Variants in GNA14 observed in about 807,000 individuals in gnomAD.
The protein encoded by GNA14 is guanine nucleotide-binding protein subunit alpha-14.
In GNA14, 50 loss-of-function variants were observed where a neutral mutation model predicts 42.0. That is an observed-to-expected ratio of 1.19 (90% CI 0.95 to 1.51). The LOEUF is 1.51. Ranked by LOEUF, GNA14 falls within the 40% of genes most tolerant of loss-of-function variation. The pLI is 0.00. For synonymous variants in GNA14, 173 were observed against 163.1 expected (o/e 1.06, Z -0.46); for missense variants, 473 against 446.2 (o/e 1.06, Z -0.54).
At chr9:77,584,514 AC>A (rs1260847039) in intron 1 of GNA14, among the ~76,000 whole-genome samples, 1 of 75,214 alleles carries the variant, frequency 1.3e-5, no homozygotes, top group Admixed American at 1.5e-4. Flanking sequence ...CTTACCCCCC[AC>A]CCCCCACCAC....
chr9:77,643,231 G>A lies in GNA14; in HGVS notation c.124+4439C>T, dbSNP rs537458784. Among the ~76,000 whole-genome samples, 13 of 151,066 alleles carry A rather than the reference G, an allele frequency of 8.6e-5. 1 individual carries two copies. Among genetic ancestry groups the A allele is most frequent in the African/African-American group, 3.2e-4 (13 of 41,146 alleles). On this transcript the variant is annotated intron_variant, in intron 1 of 6. Transcript: ENST00000341700. ...TTCCTTTTCTTCTTCAGAGTGGGAA[G>A]GTGTTGTCATTTTTTTTTTTTTTTT...
At position 77,466,140 on chromosome 9, in the gene GNA14, T is replaced by A. The variant is rs917591709; in HGVS notation, c.310-31618A>T. On this transcript the variant is annotated intron_variant, in intron 2 of 6. Coordinates refer to ENST00000341700, the MANE Select transcript of GNA14 (RefSeq NM_004297.4). ...CTTAGATTTCATGGAGGTCCTTGGA[T>A]GCTTCGATTAGTGTTTTTCATCAAA... Among the ~76,000 whole-genome samples the A allele has an allele frequency of 5.3e-5, 8 of 152,342 alleles. No homozygotes were observed. The South Asian group carries it at 6.2e-4, about 12-fold the overall frequency.
At chr9:77,467,932 G>T (rs1836265087) in intron 2 of GNA14, among the ~76,000 whole-genome samples, 1 of 152,136 alleles carries the variant, frequency 6.6e-6, no homozygotes, top group South Asian at 2.1e-4. Context: ...CCCCAGATTT[G>T]TCTTGACCTA....
At chr9:77,548,025 G>T (rs1837741320) in intron 1 of GNA14, among the ~76,000 whole-genome samples, 1 of 152,170 alleles carries the variant, frequency 6.6e-6, no homozygotes, top group Non-Finnish European at 1.5e-5. Flanking sequence ...TTGAGACATT[G>T]GTGAACTTAG....
chr9:77,551,544 G>A (rs1837787120), intron 1 of GNA14, among the ~76,000 whole-genome samples: 2 of 151,030 alleles, frequency 1.3e-5, no homozygotes. Flanking sequence ...AAATCACTAG[G>A]TCATCAAGTT....
chr9:77,543,574 C>CAA (rs1375106034), intron 1 of GNA14, among the ~76,000 whole-genome samples: 1 of 152,210 alleles, frequency 6.6e-6, no homozygotes, highest in Non-Finnish European at 1.5e-5. Context: ...ATGAGAGTCT[C>CAA]AAGGCCTGCA....
At chr9:77,477,907 T>C (rs528483713) in intron 2 of GNA14, among the ~76,000 whole-genome samples, 2 of 151,522 alleles carry the variant, frequency 1.3e-5, no homozygotes, top group African/African-American at 2.4e-5. Flanking sequence ...AAGAGAAAAA[T>C]GCAGAAATTG....
chr9:77,623,402 T>A (rs532749218), intron 1 of GNA14, among the ~76,000 whole-genome samples: 1 of 151,972 alleles, frequency 6.6e-6, no homozygotes, highest in Non-Finnish European at 1.5e-5. Context: ...TGGGTTGAAT[T>A]TTTGTAAGCC....
At chr9:77,643,317 G>A (rs975511418) in intron 1 of GNA14, among the ~76,000 whole-genome samples, 2 of 148,908 alleles carry the variant, frequency 1.3e-5, no homozygotes, top group Non-Finnish European at 3.0e-5. Flanking sequence ...TCAGCTCACT[G>A]CAACCTCCAC....
intron 3 of GNA14, among the ~76,000 whole-genome samples, chr9:77,433,394 T>TC (rs1835589318): frequency 6.6e-6 from 1 of 151,816 alleles, no homozygotes. Context: ...ATTTACATTT[T>TC]CTTTTTTTTT....
intron 2 of GNA14, among the ~76,000 whole-genome samples, chr9:77,514,544 T>C (rs1334150882): frequency 6.6e-6 from 1 of 151,542 alleles, no homozygotes; most frequent in East Asian, 1.9e-4. Context: ...CTGGAAAGAG[T>C]ATCTAACCCA....
chr9:77,518,686 G>A (rs1250953394), intron 2 of GNA14, among the ~76,000 whole-genome samples: 2 of 152,170 alleles, frequency 1.3e-5, no homozygotes, highest in Non-Finnish European at 2.9e-5. Flanking sequence ...AACACTAGTG[G>A]TGTTTTCTTA....
At chr9:77,469,368 A>G (rs1009936084) in intron 2 of GNA14, among the ~76,000 whole-genome samples, 43 of 69,382 alleles carry the variant, frequency 6.2e-4, no homozygotes, top group African/African-American at 5.4e-3. Context: ...ACTGTGTTAA[A>G]AAAAAAAAAA....
intron 1 of GNA14, among the ~76,000 whole-genome samples, chr9:77,557,393 T>A (rs1822801381): frequency 1.3e-5 from 2 of 152,166 alleles, no homozygotes; most frequent in Non-Finnish European, 2.9e-5. Context: ...CAGAATGCAG[T>A]GAAATCAGTG....
chr9:77,572,527 T>C (rs964148198), intron 1 of GNA14, among the ~76,000 whole-genome samples: 5 of 152,202 alleles, frequency 3.3e-5, no homozygotes, highest in African/African-American at 1.2e-4. Flanking sequence ...AGAAGCTTTG[T>C]TTCAATGTGT....
At chr9:77,544,183 A>G (rs534887178) in intron 1 of GNA14, among the ~76,000 whole-genome samples, 3 of 152,310 alleles carry the variant, frequency 2.0e-5, no homozygotes, top group South Asian at 2.1e-4. Context: ...TCAATAGCTC[A>G]TATGTATAAG....
intron 1 of GNA14, among the ~76,000 whole-genome samples, chr9:77,584,896 T>A (rs904166034): frequency 1.3e-5 from 2 of 152,138 alleles, no homozygotes; most frequent in East Asian, 3.9e-4. Context: ...TAAACTGTCA[T>A]GGAGCCGGTG....
chr9:77,508,811 G>A (rs1837111695), intron 2 of GNA14, among the ~76,000 whole-genome samples: 1 of 152,166 alleles, frequency 6.6e-6, no homozygotes, highest in African/African-American at 2.4e-5. Flanking sequence ...TATACTGGGA[G>A]GATAAGGAGG....
chr9:77,556,099 C>T (rs1207064726), intron 1 of GNA14, among the ~76,000 whole-genome samples: 2 of 152,010 alleles, frequency 1.3e-5, no homozygotes, highest in Admixed American at 1.3e-4. Flanking sequence ...CAAAAATTAG[C>T]CGGGCATGAT....
Sources: allele counts gnomAD v4.1 joint callset (sites outside exome capture counted in the v4.1 genomes callset), GRCh38; gene constraint gnomAD v4.1.1; transcripts MANE v1.5; gene names NCBI Gene and HGNC (gene_info 2026-07-23, HGNC 2026-07-21).